The following DSCAM variants were observed in gnomAD, a reference collection of about 807,000 sequenced individuals.
DSCAM encodes cell adhesion molecule DSCAM.
A neutral mutation model predicts 217.7 loss-of-function variants in DSCAM; 47 were observed. The observed-to-expected ratio is 0.22, with a 90% CI of 0.17 to 0.28. The LOEUF (loss-of-function observed/expected upper bound fraction) is 0.28, where lower values mean the gene tolerates loss of function less well. Ranked by LOEUF, DSCAM falls within the 10% of genes least tolerant of loss-of-function variation. DSCAM has a pLI of 1.00. For missense variants in DSCAM, 2,080 were observed against 2,618.3 expected (o/e 0.79, Z 4.49); for synonymous variants, 1,056 against 1,015.3 (o/e 1.04, Z -0.76).
intron 1 of DSCAM, among the ~76,000 whole-genome samples, chr21:40,802,283 T>C (rs1601283503): frequency 6.6e-6 from 1 of 152,256 alleles, no homozygotes; most frequent in East Asian, 1.9e-4. Flanking sequence ...TCTTTTTGCC[T>C]ATTTATCACT....
At chr21:40,503,552 T>C (rs921473022) in intron 3 of DSCAM, among the ~76,000 whole-genome samples, 15 of 152,228 alleles carry the variant, frequency 9.9e-5, no homozygotes, top group Non-Finnish European at 1.6e-4. Context: ...GTGGCAGTGC[T>C]ATCAAGGAGC....
rs978716630 is a variant in DSCAM at position 40,142,617 on chromosome 21, G to C, written c.3347C>G (p.Ala1116Gly). The change falls in exon 18 of 33, where the codon GCC (alanine) becomes GGC (glycine). Residue 1116 changes from alanine (A) to glycine (G), a missense_variant. Coordinates refer to ENST00000400454, the MANE Select transcript of DSCAM (RefSeq NM_001389.5). ...GAACCCCTGGAGAATTCCATTCAAGGCTTCCTTGGAAAGTGTGGACCAGGA... is the reference window on the plus strand; with the variant it reads ...GAACCCCTGGAGAATTCCATTCAAGCCTTCCTTGGAAAGTGTGGACCAGGA... ...SISWSTLSKEALNGILQGFRV... is the reference protein window; with the variant it reads ...SISWSTLSKEGLNGILQGFRV... 3 of 1,614,036 alleles carry C rather than the reference G, an allele frequency of 1.9e-6. No homozygotes were observed. The highest frequency in any genetic ancestry group is 2.7e-5 in the African/African-American group (2 of 74,914).
intron 3 of DSCAM, among the ~76,000 whole-genome samples, chr21:40,446,986 G>A (rs2075680287): frequency 6.6e-6 from 1 of 152,154 alleles, no homozygotes; most frequent in Non-Finnish European, 1.5e-5. Flanking sequence ...TGATGAGGTA[G>A]CCTGTCTGCC....
At chr21:40,759,825 G>A (rs11088530) in intron 1 of DSCAM, among the ~76,000 whole-genome samples, 18 of 151,854 alleles carry the variant, frequency 1.2e-4, no homozygotes, top group African/African-American at 3.9e-4. Flanking sequence ...CCTCACTGCC[G>A]CCTTCTATCT....
chr21:40,052,893 G>A (rs1181183377), intron 29 of DSCAM, among the ~76,000 whole-genome samples: 1 of 152,150 alleles, frequency 6.6e-6, no homozygotes, highest in Non-Finnish European at 1.5e-5. Context: ...TCATTATTTG[G>A]TGGGCCAGGA....
chr21:40,203,855 G>A (rs1464318887), intron 11 of DSCAM, among the ~76,000 whole-genome samples: 1 of 151,982 alleles, frequency 6.6e-6, no homozygotes, highest in African/African-American at 2.4e-5. Context: ...TAAGATAATG[G>A]GATCATACAG....
chr21:40,120,258 C>T (rs1039030176), intron 20 of DSCAM, among the ~76,000 whole-genome samples: 2 of 152,228 alleles, frequency 1.3e-5, no homozygotes, highest in Non-Finnish European at 2.9e-5. Context: ...ATGTGAATCA[C>T]AGCTCAGAGA....
chr21:40,741,497 C>T (rs2091123329), intron 1 of DSCAM, among the ~76,000 whole-genome samples: 1 of 152,146 alleles, frequency 6.6e-6, no homozygotes, highest in Non-Finnish European at 1.5e-5. Flanking sequence ...ATACCAACAA[C>T]ATCAGCCTTA....
At chr21:40,487,212 C>T (rs1341771678) in intron 3 of DSCAM, among the ~76,000 whole-genome samples, 2 of 151,940 alleles carry the variant, frequency 1.3e-5, no homozygotes, top group Non-Finnish European at 2.9e-5. Context: ...AGCACTTTCT[C>T]CCTCTCTCTA....
chr21:40,346,319 C>T (rs866331560), intron 6 of DSCAM, among the ~76,000 whole-genome samples: 32 of 152,194 alleles, frequency 2.1e-4, no homozygotes, highest in Middle Eastern at 6.8e-3. Context: ...TGCAATGAAA[C>T]GATTGAATCA....
At chr21:40,801,451 G>A (rs2091739569) in intron 1 of DSCAM, among the ~76,000 whole-genome samples, 1 of 152,110 alleles carries the variant, frequency 6.6e-6, no homozygotes, top group Non-Finnish European at 1.5e-5. Flanking sequence ...TGAATAGAAG[G>A]GAGCCAGGTG....
Position 40,093,179 on chromosome 21 carries a change from T to C in DSCAM, c.3850+542A>G, listed in dbSNP as rs1056209152. Among the ~76,000 whole-genome samples, 3 of 152,342 alleles carry C rather than the reference T, an allele frequency of 2.0e-5. No homozygotes were observed. In the South Asian group the frequency reaches 6.2e-4, roughly 32 times the overall value. On this transcript the variant is annotated intron_variant, in intron 21 of 32. Transcript: ENST00000400454. ...AAGAATACCCCGTGCCTGCGTGTGC[T>C]TTTTAAGGACCAGTTTAACGTACAA...
Position 40,559,260 on chromosome 21 carries a change from C to T in DSCAM, c.508+133550G>A, listed in dbSNP as rs148820624. On this transcript the variant is annotated intron_variant, in intron 3 of 32. Coordinates refer to ENST00000400454, the MANE Select transcript of DSCAM (RefSeq NM_001389.5). ...GATCACGAGGGCAGGAGATTGAGACCATCCTGGTCAACACGGTGAAACCCC... is the reference window on the plus strand; with the variant it reads ...GATCACGAGGGCAGGAGATTGAGACTATCCTGGTCAACACGGTGAAACCCC... 2.0e-3 allele frequency among the ~76,000 whole-genome samples: 310 copies of T among 152,148 alleles called. 3 individuals carry two copies. Among genetic ancestry groups the T allele is most frequent in the Middle Eastern group, 0.014 (4 of 294 alleles).
chr21:40,789,267 TAA>T (rs200298125), intron 1 of DSCAM, among the ~76,000 whole-genome samples: 2 of 146,334 alleles, frequency 1.4e-5, no homozygotes. Flanking sequence ...CAATCAAGAT[TAA>T]AAAAAAAAAA....
At chr21:40,682,619 A>G (rs374571007) in intron 3 of DSCAM, among the ~76,000 whole-genome samples, 522 of 19,254 alleles carry the variant, frequency 0.027, 92 homozygotes, top group East Asian at 0.073. Context: ...AAGAAAGAGA[A>G]AGAGAAAGAG....
intron 32 of DSCAM, among the ~76,000 whole-genome samples, chr21:40,040,081 T>A (rs1466712054): frequency 6.6e-6 from 1 of 152,196 alleles, no homozygotes; most frequent in Non-Finnish European, 1.5e-5. Context: ...AGTTGAATTA[T>A]AAAGGAGCGA....
chr21:40,388,178 T>C (rs563489490), intron 3 of DSCAM, among the ~76,000 whole-genome samples: 1 of 152,284 alleles, frequency 6.6e-6, no homozygotes, highest in Non-Finnish European at 1.5e-5. Flanking sequence ...CGCCTGGAAC[T>C]AAAGGATGTG....
chr21:40,362,277 A>G (rs372028718), intron 4 of DSCAM, among the ~76,000 whole-genome samples: 2 of 152,016 alleles, frequency 1.3e-5, no homozygotes, highest in East Asian at 3.9e-4. Context: ...CCTAAAACTT[A>G]AAGTATAATA....
intron 3 of DSCAM, among the ~76,000 whole-genome samples, chr21:40,477,919 C>T (rs2075950969): frequency 6.6e-6 from 1 of 152,090 alleles, no homozygotes; most frequent in African/African-American, 2.4e-5. Context: ...TGAATCATCA[C>T]CAACTGATCC....
Sources: gnomAD v4.1 joint callset for allele counts (sites outside exome capture counted in the v4.1 genomes callset) on GRCh38, gnomAD v4.1.1 for gene constraint, MANE v1.5 for transcripts, NCBI Gene and HGNC (gene_info 2026-07-23, HGNC 2026-07-21) for gene names.